Variants in MCRIP1 observed in about 807,000 individuals in gnomAD.
The protein encoded by MCRIP1 is MAPK regulated corepressor interacting protein 1.
A neutral mutation model predicts 14.4 loss-of-function variants in MCRIP1; 10 were observed. The ratio of observed to expected loss-of-function variants is 0.70; its 90% CI spans 0.43 to 1.18. The LOEUF (loss-of-function observed/expected upper bound fraction) is 1.18, where lower values mean the gene tolerates loss of function less well. Ranked by LOEUF, MCRIP1 falls within the 50% of genes most tolerant of loss-of-function variation. The probability of loss-of-function intolerance (pLI) is 0.00; values close to 1 mark genes in which losing one functional copy is unlikely to be tolerated. For synonymous variants in MCRIP1, 53 were observed against 55.7 expected, an observed-to-expected ratio of 0.95 and a Z score of 0.21; for missense variants, 119 against 135.4, an observed-to-expected ratio of 0.88 and a Z score of 0.60.
chr17:81,831,337 ACT>A (rs1157641223), intron 1 of MCRIP1, among the ~76,000 whole-genome samples: 2 of 148,160 alleles, frequency 1.3e-5, no homozygotes, highest in African/African-American at 5.0e-5. Flanking sequence ...ACAGAGCAAG[ACT>A]CTATCTCAAA....
chr17:81,829,713 C>A (rs2038480345), intron 1 of MCRIP1, among the ~76,000 whole-genome samples: 1 of 152,170 alleles, frequency 6.6e-6, no homozygotes, highest in Non-Finnish European at 1.5e-5. Flanking sequence ...CCTTCCAGAG[C>A]CCCTCAGGCT....
intron 1 of MCRIP1, among the ~76,000 whole-genome samples, chr17:81,828,274 C>A (rs2143244490): frequency 6.7e-6 from 1 of 149,518 alleles, no homozygotes; most frequent in East Asian, 2.0e-4. Context: ...CCCCCACCCC[C>A]CGACCCTGCA....
intron 1 of MCRIP1, among the ~76,000 whole-genome samples, chr17:81,831,939 G>A (rs1020027238): frequency 1.3e-5 from 2 of 152,076 alleles, no homozygotes; most frequent in African/African-American, 4.8e-5. Context: ...TCCTCCTCCA[G>A]GGGACCCAAG....
chr17:81,825,686 G>C (rs2038376476), intron 1 of MCRIP1: 1 of 1,289,308 alleles, frequency 7.8e-7, no homozygotes, highest in Admixed American at 2.3e-5. Flanking sequence ...CCAGCTCCCA[G>C]CCCTGGAACT....
At chr17:81,825,434 G>C (rs1442696658) in intron 1 of MCRIP1, 6 of 1,192,928 alleles carry the variant, frequency 5.0e-6, no homozygotes, top group Non-Finnish European at 6.4e-6. Flanking sequence ...CCAGGTTCTG[G>C]GGGAGGGGAG....
Position 81,825,281 on chromosome 17 carries a change from GA to G in MCRIP1, c.-48-728del. On this transcript the variant is annotated intron_variant, in intron 1 of 4. Transcript: ENST00000455127. ...CAGCCCAGGGGAATCCACGGCTCTG[GA>G]AAAATGGAGTCTATTTTGAGGCTCA... 3 of 1,102,416 alleles carry G rather than the reference GA, an allele frequency of 2.7e-6. No individual in the cohort carries two copies. In the South Asian group the frequency reaches 6.8e-5, roughly 25 times the overall value. The allele number at this position is 1,102,416 out of a possible 1,614,324, so 68.3% of individuals were successfully genotyped here.
chr17:81,825,665 A>G lies in MCRIP1; in HGVS notation c.-48-1111T>C, dbSNP rs186737221. The G allele has an allele frequency of 5.4e-5, 70 of 1,289,344 alleles. No individual in the cohort carries two copies. The African/African-American group carries it at 9.6e-4, about 18-fold the overall frequency. The allele number at this position is 1,289,344 out of a possible 1,614,324, so 79.9% of individuals were successfully genotyped here. On this transcript the variant is annotated intron_variant, in intron 1 of 4. Coordinates refer to ENST00000455127, the MANE Select transcript of MCRIP1 (RefSeq NM_207368.5). ...CACGGCTCAAGGGCAAAACCAGCAA[A>G]GAGCAGAAAACCAGCTCCCAGCCCT...
At chr17:81,831,600 C>A (rs1474361118) in intron 1 of MCRIP1, among the ~76,000 whole-genome samples, 4 of 152,144 alleles carry the variant, frequency 2.6e-5, no homozygotes, top group African/African-American at 9.7e-5. Context: ...GCAGCCACCA[C>A]GCTGGGCCCT....
intron 1 of MCRIP1, among the ~76,000 whole-genome samples, chr17:81,830,863 A>G (rs538846854): frequency 6.6e-6 from 1 of 151,130 alleles, no homozygotes; most frequent in South Asian, 2.1e-4. Flanking sequence ...TTGCTACTAA[A>G]AAAAAAAAAT....
At chr17:81,824,158 G>A (rs1197719816) in intron 3 of MCRIP1, 129 bp downstream of exon 3, 1 of 763,006 alleles carries the variant, frequency 1.3e-6, no homozygotes, top group African/African-American at 1.8e-5. Context: ...ACAGTGATGG[G>A]GCTATCTGTG....
At position 81,823,582 on chromosome 17, in the gene MCRIP1, GCCTGCCCTCAGCT is replaced by G; in HGVS notation, c.128-82_128-70del. The G allele has an allele frequency of 7.6e-7, 1 of 1,320,784 alleles. No individual in the cohort carries two copies. Among genetic ancestry groups the G allele is most frequent in the South Asian group, 1.3e-5 (1 of 78,832 alleles). The allele number at this position is 1,320,784 out of a possible 1,614,324, so 81.8% of individuals were successfully genotyped here. A position where few individuals can be genotyped will look rare whatever the true frequency, so the allele number is the denominator to read the frequency against. On this transcript the variant is annotated intron_variant, in intron 3 of 4. Coordinates refer to ENST00000455127, the MANE Select transcript of MCRIP1 (RefSeq NM_207368.5). The surrounding 1 kb of genome is among the most constrained non-coding windows in gnomAD (Gnocchi z 6.0). ...GGGGTGGCATCCACGTCACGAGAGTGCCTGCCCTCAGCTCCTGCCCTCCCAGATCCTCTTCTCC... is the reference window on the plus strand; with the variant it reads ...GGGGTGGCATCCACGTCACGAGAGTGCCTGCCCTCCCAGATCCTCTTCTCC...
intron 1 of MCRIP1, among the ~76,000 whole-genome samples, chr17:81,827,877 T>C (rs1165368383): frequency 2.1e-5 from 3 of 145,882 alleles, no homozygotes; most frequent in African/African-American, 2.6e-5. Flanking sequence ...GCCTCCCGGG[T>C]TGACGCCATT....
chr17:81,825,926 T>TA (rs1254254269), intron 1 of MCRIP1: 5 of 1,296,582 alleles, frequency 3.9e-6, no homozygotes, highest in Non-Finnish European at 5.0e-6. Flanking sequence ...AAGCTCCCGT[T>TA]ACAGAGAAAG....
chr17:81,827,110 T>G (rs1598252340), intron 1 of MCRIP1, among the ~76,000 whole-genome samples: 1 of 144,720 alleles, frequency 6.9e-6, no homozygotes, highest in East Asian at 2.1e-4. Flanking sequence ...AGAGCAAGAC[T>G]CCGTCTAAAA....
chr17:81,829,340 CTGCCTTCA>C (rs2038474319), intron 1 of MCRIP1, among the ~76,000 whole-genome samples: 2 of 152,220 alleles, frequency 1.3e-5, no homozygotes, highest in Admixed American at 1.3e-4. Context: ...GCCCGGCCCC[CTGCCTTCA>C]TCCCACCTGG....
At chr17:81,826,333 G>A (rs1023685665) in intron 1 of MCRIP1, 3 of 1,535,350 alleles carry the variant, frequency 2.0e-6, no homozygotes, top group African/African-American at 1.4e-5. Context: ...ACACCTGTCT[G>A]TACACACCTG....
At chr17:81,829,294 GAC>G (rs1343523640) in intron 1 of MCRIP1, among the ~76,000 whole-genome samples, 2 of 152,154 alleles carry the variant, frequency 1.3e-5, no homozygotes, top group Admixed American at 6.5e-5. Flanking sequence ...AGCCCAGAGA[GAC>G]AGCCCCACTT....
At chr17:81,826,686 GCA>G (rs1598251751) in intron 1 of MCRIP1, 6 of 369,966 alleles carry the variant, frequency 1.6e-5, no homozygotes, top group Non-Finnish European at 2.9e-5. Context: ...GGGCGTGGTG[GCA>G]GGCACCCGTA....
intron 1 of MCRIP1, chr17:81,825,427 G>A (rs2038370361): frequency 1.7e-6 from 2 of 1,191,930 alleles, no homozygotes; most frequent in Non-Finnish European, 2.1e-6. Flanking sequence ...GGCAACTCCA[G>A]GTTCTGGGGG....
Sources: allele counts gnomAD v4.1 joint callset (sites outside exome capture counted in the v4.1 genomes callset), GRCh38; gene constraint gnomAD v4.1.1; non-coding constraint Gnocchi (gnomAD v3.1); transcripts MANE v1.5; gene names NCBI Gene and HGNC (gene_info 2026-07-23, HGNC 2026-07-21).